Variants in NACC1 observed in about 807,000 individuals in gnomAD.
The protein encoded by NACC1 is nucleus accumbens-associated protein 1.
Under a neutral mutation model 41.7 loss-of-function variants are expected in NACC1, and 6 were observed. The observed-to-expected ratio is 0.14, with a 90% CI of 0.08 to 0.28. The LOEUF (loss-of-function observed/expected upper bound fraction) is 0.28, where lower values mean the gene tolerates loss of function less well. NACC1 is among the 10% of genes least tolerant of loss of function. The pLI, the probability that NACC1 is intolerant of heterozygous loss-of-function variation, is 1.00. For missense variants in NACC1, 434 were observed against 763.7 expected (o/e 0.57, Z 5.09); for synonymous variants, 338 against 330.6 (o/e 1.02, Z -0.24).
intron 1 of NACC1, among the ~76,000 whole-genome samples, chr19:13,128,555 C>T (rs2019593639): frequency 2.0e-5 from 3 of 152,224 alleles, no homozygotes; most frequent in Admixed American, 2.0e-4. Flanking sequence ...TGAGCCCAGT[C>T]CCCTGGAGGT....
chr19:13,126,361 C>A (rs765244802), intron 1 of NACC1, among the ~76,000 whole-genome samples: 1 of 152,162 alleles, frequency 6.6e-6, no homozygotes, highest in African/African-American at 2.4e-5. Context: ...AGCCCCACTT[C>A]TTAATACCAC....
intron 1 of NACC1, among the ~76,000 whole-genome samples, chr19:13,127,982 G>C (rs2019586943): frequency 6.6e-6 from 1 of 152,176 alleles, no homozygotes; most frequent in South Asian, 2.1e-4. Flanking sequence ...AGCATTGTAG[G>C]GGCCCAGGCA....
intron 1 of NACC1, among the ~76,000 whole-genome samples, chr19:13,126,295 C>T (rs899733521): frequency 6.6e-6 from 1 of 152,166 alleles, no homozygotes; most frequent in Non-Finnish European, 1.5e-5. Flanking sequence ...TCGTGATCCG[C>T]CCTCCTCAGC....
chr19:13,126,079 C>G (rs1274141993), intron 1 of NACC1, among the ~76,000 whole-genome samples: 1 of 150,578 alleles, frequency 6.6e-6, no homozygotes, highest in African/African-American at 2.4e-5. Flanking sequence ...GAGTCTTGCT[C>G]TGTCACCAGG....
At chr19:13,126,105 C>T (rs1007465775) in intron 1 of NACC1, among the ~76,000 whole-genome samples, 3 of 151,278 alleles carry the variant, frequency 2.0e-5, no homozygotes, top group African/African-American at 4.9e-5. Flanking sequence ...GTGCATTGGC[C>T]CGATCTCGGC....
chr19:13,121,280 T>G (rs1272070426), intron 1 of NACC1, among the ~76,000 whole-genome samples: 2 of 150,484 alleles, frequency 1.3e-5, no homozygotes, highest in South Asian at 2.1e-4. Flanking sequence ...TGTACCAGTC[T>G]TCTTCTGAGT....
Position 13,140,358 on chromosome 19 carries a change from G to A in NACC1, c.*1952G>A, listed in dbSNP as rs962115356. ...GGCTGGGCCTGACGGAGGCCGAGGG[G>A]CAGACCGGGGCTCCAGCCAGACCCC... On this transcript the variant is annotated 3_prime_UTR_variant, in exon 6 of 6. Transcript: ENST00000292431. The surrounding 1 kb of genome is among the most constrained non-coding windows in gnomAD (Gnocchi z 4.0). 1 of 150,428 alleles carries A rather than the reference G, an allele frequency of 6.6e-6. No homozygotes were observed. Among genetic ancestry groups the A allele is most frequent in the Non-Finnish European group, 1.5e-5 (1 of 67,724 alleles). 9.3% of individuals were successfully genotyped at this position (150,428 alleles called of 1,614,324 possible).
rs2019704566 is a variant in NACC1 at position 13,136,201 on chromosome 19, C to T, written c.947-31C>T. On this transcript the variant is annotated intron_variant, in intron 2 of 5. Transcript: ENST00000292431. The surrounding 1 kb of genome is among the most constrained non-coding windows in gnomAD (Gnocchi z 5.5). ...ATCCCACCAGCCACCCCTGCTCCTC[C>T]TGCCACTCGCGTGCCACTCTCTCCC... 1 of 1,605,088 alleles carries T rather than the reference C, an allele frequency of 6.2e-7. No homozygotes were observed. The highest frequency in any genetic ancestry group is 8.5e-7 in the Non-Finnish European group (1 of 1,174,620).
In NACC1 at chr19:13,135,269, A is replaced by G; in HGVS notation, c.62A>G (p.Asn21Ser). Residue 21 changes from asparagine to serine, a missense_variant, in exon 2 of 6, where the codon AAT becomes AGT. By Grantham distance (46) the Asn-to-Ser change is conservative. Around this residue, in one of 4 missense-constraint regions of NACC1, gnomAD observed 67 missense variants for 180.1 expected, o/e 0.37. Coordinates refer to ENST00000292431, the MANE Select transcript of NACC1 (RefSeq NM_052876.4). ...GGCAACAGCATCCTGGAGTGCCTCA[A>G]TGAACAGCGGCTGCAGGGCCTGTAC... ...NFGNSILECL[N>S]EQRLQGLYCD... 6.2e-7 allele frequency: 1 copy of G among 1,613,796 alleles called. No homozygotes were observed. Among genetic ancestry groups the G allele is most frequent in the Non-Finnish European group, 8.5e-7 (1 of 1,179,994 alleles).
chr19:13,136,086 G>C lies in NACC1; in HGVS notation c.879G>C (p.Met293Ile). The change falls in exon 2 of 6, where the codon ATG (methionine) becomes ATC (isoleucine). Residue 293 changes from methionine (M) to isoleucine (I), a missense_variant. Met to Ile is a conservative substitution (Grantham distance 10, BLOSUM62 1). Coordinates refer to ENST00000292431, the MANE Select transcript of NACC1 (RefSeq NM_052876.4). The surrounding 1 kb of genome is among the most constrained non-coding windows in gnomAD (Gnocchi z 5.5). ...AGGAGGATGGTGGCGAGGAGGGCAT[G>C]GATGAGCAGTACCGGCAGATCTGCA... The part of the protein sequence containing the change: ...DEEEDGGEEG[M>I]DEQYRQICNM... The C allele has an allele frequency of 6.2e-7, 1 of 1,614,116 alleles. No homozygotes were observed. Among genetic ancestry groups the C allele is most frequent in the Non-Finnish European group, 8.5e-7 (1 of 1,180,040 alleles).
rs931446747 is a variant in NACC1, at chr19:13,136,639, T to G, written c.1120+234T>G. 6.6e-6 allele frequency among the ~76,000 whole-genome samples: 1 copy of G among 152,152 alleles called. No homozygotes were observed. Among genetic ancestry groups the G allele is most frequent in the Non-Finnish European group, 1.5e-5 (1 of 68,034 alleles). Reference sequence around the variant, plus strand: ...GGTCGGGGCGAGCATTGGCTATTATTGTTTGGCCGCATGGGTAGATTAGCT... The same window carrying G: ...GGTCGGGGCGAGCATTGGCTATTATGGTTTGGCCGCATGGGTAGATTAGCT... On this transcript the variant is annotated intron_variant, in intron 3 of 5. Coordinates refer to ENST00000292431, the MANE Select transcript of NACC1 (RefSeq NM_052876.4). The surrounding 1 kb of genome is among the most constrained non-coding windows in gnomAD (Gnocchi z 5.5).
In NACC1 at chr19:13,135,132, A is replaced by G. The variant is rs946402995; in HGVS notation, c.-8-68A>G. The G allele has an allele frequency of 4.8e-6, 7 of 1,462,132 alleles. No homozygotes were observed. The African/African-American group carries it at 1.0e-4, about 21-fold the overall frequency. 90.6% of individuals were successfully genotyped at this position (1,462,132 alleles called of 1,614,324 possible). ...TCTTTGGGGCCAGGGCTAGGCCAGC[A>G]CCCACATTTGCCGCCTGACCCCGTC... On this transcript the variant is annotated intron_variant, in intron 1 of 5. Coordinates refer to ENST00000292431, the MANE Select transcript of NACC1 (RefSeq NM_052876.4).
At chr19:13,128,321 G>C (rs2019590664) in intron 1 of NACC1, among the ~76,000 whole-genome samples, 1 of 152,200 alleles carries the variant, frequency 6.6e-6, no homozygotes, top group Non-Finnish European at 1.5e-5. Flanking sequence ...ATTTCAGAGT[G>C]CTGGGGGCTG....
Position 13,140,621 on chromosome 19 carries a change from G to A in NACC1, c.*2215G>A, listed in dbSNP as rs1376918359. 2.0e-5 allele frequency: 3 copies of A among 151,318 alleles called. No homozygotes were observed. The highest frequency in any genetic ancestry group is 4.4e-5 in the Non-Finnish European group (3 of 67,736). The allele number at this position is 151,318 out of a possible 1,614,324, so 9.4% of individuals were successfully genotyped here. A position where few individuals can be genotyped will look rare whatever the true frequency, so the allele number is the denominator to read the frequency against. On this transcript the variant is annotated 3_prime_UTR_variant, in exon 6 of 6. Transcript: ENST00000292431. The surrounding 1 kb of genome is among the most constrained non-coding windows in gnomAD (Gnocchi z 4.0). ...GGCTCCCAGGACTGTGTGTGGGTCC[G>A]GGGGGTGGGGGGGTGGGGAGAAGGG...
chr19:13,124,805 G>C (rs935089741), intron 1 of NACC1, among the ~76,000 whole-genome samples: 5 of 152,110 alleles, frequency 3.3e-5, no homozygotes, highest in African/African-American at 1.2e-4. Flanking sequence ...TGGAAGCCAG[G>C]CACATTGCTC....
intron 1 of NACC1, among the ~76,000 whole-genome samples, chr19:13,119,367 TTGTG>T (rs1304632839): frequency 3.3e-5 from 5 of 152,146 alleles, no homozygotes; most frequent in African/African-American, 1.2e-4. Flanking sequence ...CAGTGGGTGT[TTGTG>T]TGGGCAGCTG....
At chr19:13,117,218 TCTAA>T (rs1234124319), upstream of NACC1, 1 of 152,218 alleles carries the variant, frequency 6.6e-6, no homozygotes, top group African/African-American at 2.4e-5. Flanking sequence ...TCGGTAAAGT[TCTAA>T]CCAGTGTATG....
chr19:13,127,923 C>T (rs531864023), intron 1 of NACC1, among the ~76,000 whole-genome samples: 28 of 152,220 alleles, frequency 1.8e-4, no homozygotes, highest in Admixed American at 1.6e-3. Flanking sequence ...CATTCCCATT[C>T]TAGTAGGTCC....
At position 13,136,050 on chromosome 19, in the gene NACC1, G is replaced by A; in HGVS notation, c.843G>A (p.Glu281=). 3.1e-6 allele frequency: 5 copies of A among 1,614,116 alleles called. No homozygotes were observed. Among genetic ancestry groups the A allele is most frequent in the Non-Finnish European group, 3.4e-6 (4 of 1,180,006 alleles). Residue 281 remains glutamate (E), a synonymous_variant, in exon 2 of 6, where the codon GAG becomes GAA. Transcript: ENST00000292431. The surrounding 1 kb of genome is among the most constrained non-coding windows in gnomAD (Gnocchi z 5.5). The part of the protein sequence containing the change: ...TSDSPGSYHN[E]EDEEEDGGEE... ...ACAGCCCTGGCTCCTACCACAATGA[G>A]GAGGACGAGGAGGAGGATGGTGGCG...
Sources: gnomAD v4.1 joint callset for allele counts (sites outside exome capture counted in the v4.1 genomes callset) on GRCh38, gnomAD v4.1.1 for gene constraint, gnomAD v4.1.1 regional missense constraint, Gnocchi (gnomAD v3.1) non-coding constraint, MANE v1.5 for transcripts, NCBI Gene and HGNC (gene_info 2026-07-23, HGNC 2026-07-21) for gene names.